Variants in KY observed in about 807,000 individuals in gnomAD.
The protein encoded by KY is kyphoscoliosis peptidase.
A neutral mutation model predicts 76.1 loss-of-function variants in KY; 43 were observed. That is an observed-to-expected ratio of 0.57 (90% CI 0.44 to 0.73). The LOEUF (loss-of-function observed/expected upper bound fraction) is 0.73, where lower values mean the gene tolerates loss of function less well. Among genes scored for constraint, KY ranks in the 30% least tolerant of loss-of-function variants. KY has a pLI of 0.00. For missense variants in KY, 722 were observed against 828.9 expected (o/e 0.87, Z 1.58); for synonymous variants, 277 against 326.2 (o/e 0.85, Z 1.63).
chr3:134,646,214 T>C (rs975812845), intron 2 of KY, among the ~76,000 whole-genome samples: 2 of 152,188 alleles, frequency 1.3e-5, no homozygotes, highest in Admixed American at 1.3e-4. Flanking sequence ...CTTTGGCGTC[T>C]ACTTCAGTAG....
At chr3:134,629,342 TA>T (rs1963912702) in intron 4 of KY, 1 of 421,094 alleles carries the variant, frequency 2.4e-6, no homozygotes, top group Non-Finnish European at 4.3e-6. Flanking sequence ...AAATGGTATC[TA>T]AAAGCAACAG....
chr3:134,640,515 T>C (rs552183344), intron 3 of KY, among the ~76,000 whole-genome samples: 1 of 152,236 alleles, frequency 6.6e-6, no homozygotes, highest in African/African-American at 2.4e-5. Context: ...CCACCTCTGG[T>C]CAACGCTATT....
chr3:134,641,728 C>G (rs536105175), intron 3 of KY, among the ~76,000 whole-genome samples: 1 of 152,246 alleles, frequency 6.6e-6, no homozygotes, highest in African/African-American at 2.4e-5. Flanking sequence ...AGCCCCAGAC[C>G]CCATACCCGC....
intron 2 of KY, among the ~76,000 whole-genome samples, chr3:134,644,483 G>C (rs370514608): frequency 4.6e-5 from 7 of 152,154 alleles, no homozygotes; most frequent in East Asian, 3.9e-4. Flanking sequence ...TCAGAGGGGT[G>C]GGGGGAAGGC....
chr3:134,649,185 T>C (rs1445788885), intron 1 of KY, among the ~76,000 whole-genome samples: 1 of 152,186 alleles, frequency 6.6e-6, no homozygotes, highest in Non-Finnish European at 1.5e-5. Flanking sequence ...AGAAAAATAT[T>C]TGGAGAAAAA....
chr3:134,646,130 T>C (rs1966408995), intron 2 of KY, among the ~76,000 whole-genome samples: 1 of 152,148 alleles, frequency 6.6e-6, no homozygotes, highest in Non-Finnish European at 1.5e-5. Context: ...GCATGGCCAT[T>C]TCTGTGGCTA....
intron 8 of KY, among the ~76,000 whole-genome samples, chr3:134,613,386 C>A (rs1030225675): frequency 6.6e-6 from 1 of 152,144 alleles, no homozygotes; most frequent in Non-Finnish European, 1.5e-5. Flanking sequence ...GGAGCAGCAG[C>A]GAGAGCCTGC....
intron 2 of KY, among the ~76,000 whole-genome samples, chr3:134,645,198 G>A (rs1480458567): frequency 3.9e-5 from 6 of 152,224 alleles, no homozygotes; most frequent in Non-Finnish European, 7.3e-5. Context: ...GGGGAAGCCC[G>A]TTGCTGGGCA....
At chr3:134,619,494 T>C (rs1962202597) in intron 7 of KY, among the ~76,000 whole-genome samples, 1 of 152,198 alleles carries the variant, frequency 6.6e-6, no homozygotes, top group Non-Finnish European at 1.5e-5. Flanking sequence ...CCCAAGCCTC[T>C]GAGGAGGGGC....
Position 134,603,920 on chromosome 3 carries a change from T to C in KY, c.1645A>G (p.Ile549Val), listed in dbSNP as rs1959079456. Residue 549 changes from isoleucine (I) to valine (V), a missense_variant, in exon 11 of 11, where the codon ATC becomes GTC. By Grantham distance (29) the Ile-to-Val change is conservative. Around this residue, in one of 2 missense-constraint regions of KY, gnomAD observed 552 missense variants for 680.9 expected, o/e 0.81. Transcript: ENST00000423778. ...CATACAAGGTAATTAAAGACGAAGA[T>C]GTAGTTTCCTGGTTCCTGCCTCTTC... ...VKKRQEPGNY[I>V]FVFNYLVCCA... 6.2e-7 allele frequency: 1 copy of C among 1,613,852 alleles called. No homozygotes were observed. The highest frequency in any genetic ancestry group is 8.5e-7 in the Non-Finnish European group (1 of 1,179,888).
In KY at chr3:134,645,306, T is replaced by C. The variant is rs536058876; in HGVS notation, c.200-1928A>G. The stretch of plus-strand genomic sequence containing the variant: ...CTCTCTAGTCTCAACACCCTGCCAG[T>C]GTTCCAGCCCAAGCAGTGCACGGGG... On this transcript the variant is annotated intron_variant, in intron 2 of 10. Transcript: ENST00000423778. Among the ~76,000 whole-genome samples, 16 of 152,304 alleles carry C rather than the reference T, an allele frequency of 1.1e-4. No homozygotes were observed. In the South Asian group the frequency reaches 1.7e-3, roughly 16 times the overall value.
At position 134,643,192 on chromosome 3, in the gene KY, A is replaced by G. The variant is rs1181669433; in HGVS notation, c.262+124T>C. 6 of 817,266 alleles carry G rather than the reference A, an allele frequency of 7.3e-6. No individual in the cohort carries two copies. The African/African-American group carries it at 8.6e-5, about 12-fold the overall frequency. 50.6% of individuals were successfully genotyped at this position (817,266 alleles called of 1,614,324 possible). A position where few individuals can be genotyped will look rare whatever the true frequency, so the allele number is the denominator to read the frequency against. On this transcript the variant is annotated intron_variant, in intron 3 of 10. Transcript: ENST00000423778. ...AGAGGAAAAGGGTTTTCCAACACCC[A>G]TGGGAGCAGAGAGGACCCTGCTCCC...
At chr3:134,640,575 C>T (rs1965620828) in intron 3 of KY, among the ~76,000 whole-genome samples, 1 of 152,012 alleles carries the variant, frequency 6.6e-6, no homozygotes, top group Non-Finnish European at 1.5e-5. Context: ...GTGTGGTTCG[C>T]AGAACAGAGC....
chr3:134,648,314 C>T (rs1270868312), intron 1 of KY, among the ~76,000 whole-genome samples: 1 of 152,200 alleles, frequency 6.6e-6, no homozygotes, highest in Non-Finnish European at 1.5e-5. Context: ...CACTCAGGGG[C>T]CGCCACTCTC....
At chr3:134,621,896 G>A (rs1480898876) in intron 6 of KY, among the ~76,000 whole-genome samples, 1 of 151,862 alleles carries the variant, frequency 6.6e-6, no homozygotes, top group Non-Finnish European at 1.5e-5. Context: ...TTCAAAAAGG[G>A]GCAAAGGACT....
intron 6 of KY, among the ~76,000 whole-genome samples, chr3:134,623,376 G>A (rs1386962725): frequency 6.6e-6 from 1 of 152,052 alleles, no homozygotes; most frequent in Non-Finnish European, 1.5e-5. Flanking sequence ...TCCACTTCAC[G>A]GCAGGCCAGG....
chr3:134,647,816 T>C lies in KY; in HGVS notation c.137-319A>G, dbSNP rs1247548989. ...ACATATGAAAGCATTATTTTAGAAG[T>C]CATTTGCTATCCACATTGCCTGCCT... On this transcript the variant is annotated intron_variant, in intron 1 of 10. Coordinates refer to ENST00000423778, the MANE Select transcript of KY (RefSeq NM_178554.6). Among the ~76,000 whole-genome samples the C allele has an allele frequency of 2.6e-5, 4 of 152,180 alleles. No individual in the cohort carries two copies. In the East Asian group the frequency reaches 5.8e-4, roughly 22 times the overall value.
intron 6 of KY, among the ~76,000 whole-genome samples, chr3:134,621,509 T>C (rs1962606893): frequency 6.6e-6 from 1 of 152,168 alleles, no homozygotes; most frequent in African/African-American, 2.4e-5. Flanking sequence ...CAATTGAGTT[T>C]CCACATGCAA....
Position 134,603,952 on chromosome 3 carries a change from A to G in KY, c.1613T>C (p.Phe538Ser), listed in dbSNP as rs1483070014. The change falls in exon 11 of 11, where the codon TTT (phenylalanine) becomes TCT (serine). Residue 538 changes from phenylalanine to serine, a missense_variant. By Grantham distance (155) the Phe-to-Ser change is radical. Coordinates refer to ENST00000423778, the MANE Select transcript of KY (RefSeq NM_178554.6). ...PHAGKFALKI[F>S]VKKRQEPGNY... Reference sequence around the variant, plus strand: ...TCCTGGTTCCTGCCTCTTCTTGACAAAGATCTTGAGGGCAAACTTGCCTGC... The same window carrying G: ...TCCTGGTTCCTGCCTCTTCTTGACAGAGATCTTGAGGGCAAACTTGCCTGC... 1.2e-6 allele frequency: 2 copies of G among 1,613,960 alleles called. No homozygotes were observed. The highest frequency in any genetic ancestry group is 2.2e-5 in the South Asian group (2 of 91,080).
Sources: gnomAD v4.1 joint callset for allele counts (sites outside exome capture counted in the v4.1 genomes callset) on GRCh38, gnomAD v4.1.1 for gene constraint, gnomAD v4.1.1 regional missense constraint, MANE v1.5 for transcripts, NCBI Gene and HGNC (gene_info 2026-07-23, HGNC 2026-07-21) for gene names.